Variants in KLC2 observed in about 807,000 individuals in gnomAD.
The protein encoded by KLC2 is kinesin light chain 2, also known as KLC 2.
KLC2 carries 35 observed loss-of-function variants against 75.1 expected under a neutral mutation model. That is an observed-to-expected ratio of 0.47 (90% CI 0.36 to 0.62). The LOEUF (loss-of-function observed/expected upper bound fraction) is 0.62, where lower values mean the gene tolerates loss of function less well. Ranked by LOEUF, KLC2 falls within the 20% of genes least tolerant of loss-of-function variation. The pLI is 0.00. For synonymous variants in KLC2, 314 were observed against 336.7 expected (o/e 0.93, Z 0.74); for missense variants, 611 against 833.2 (o/e 0.73, Z 3.28).
rs1856597159 is a variant in KLC2, at chr11:66,263,675, C to T, written c.768C>T (p.Tyr256=). ...CTGCTCCCAGGGATCAGAACAAGTA[C>T]AAGGAGGCTGCCCACCTGCTCAATG... The part of the protein sequence containing the change: ...LALVYRDQNK[Y]KEAAHLLNDA... Residue 256 remains tyrosine (Y), a synonymous_variant, in exon 6 of 16, where the codon TAC becomes TAT. Coordinates refer to ENST00000394067, the MANE Select transcript of KLC2 (RefSeq NM_001318734.2). 6.2e-7 allele frequency: 1 copy of T among 1,613,520 alleles called. No homozygotes were observed. Among genetic ancestry groups the T allele is most frequent in the Non-Finnish European group, 8.5e-7 (1 of 1,179,516 alleles).
chr11:66,257,980 G>C (rs978346715), intron 1 of KLC2, 109 bp downstream of exon 1: 2 of 152,442 alleles, frequency 1.3e-5, no homozygotes, highest in Non-Finnish European at 2.9e-5. Flanking sequence ...CCTGTGGGAG[G>C]ATCGGGCCAG....
upstream of KLC2, among the ~76,000 whole-genome samples, chr11:66,255,443 C>G (rs1440380821): frequency 1.3e-5 from 2 of 152,204 alleles, no homozygotes; most frequent in African/African-American, 4.8e-5. Context: ...CCCGCCTTGG[C>G]CTGACAAAGT....
chr11:66,262,032 G>A (rs1856468906), intron 3 of KLC2, 60 bp downstream of exon 3: 1 of 1,585,866 alleles, frequency 6.3e-7, no homozygotes, highest in Non-Finnish European at 8.7e-7. Context: ...GGGAGGGGCA[G>A]CATGGAGCAG....
At chr11:66,258,470 C>A in intron 1 of KLC2, 114 bp from the exon 2 acceptor site, 6 of 686,284 alleles carry the variant, frequency 8.7e-6, no homozygotes, top group Non-Finnish European at 1.2e-5. Flanking sequence ...GGCTGGGGGA[C>A]CTGGGCACAC....
upstream of KLC2, among the ~76,000 whole-genome samples, chr11:66,257,137 G>A (rs914723806): frequency 6.6e-6 from 1 of 152,190 alleles, no homozygotes; most frequent in African/African-American, 2.4e-5. Flanking sequence ...TCTATCAGAG[G>A]AAATTTTTGC....
the KLC2 span, among the ~76,000 whole-genome samples, chr11:66,247,358 C>T: frequency 1.0e-3 from 157 of 152,286 alleles, 1 homozygote; most frequent in African/African-American, 3.4e-3. Context: ...GCAGAGTGTC[C>T]CACCTACCTA....
At chr11:66,247,534 C>A in the KLC2 span, among the ~76,000 whole-genome samples, 72 of 152,200 alleles carry the variant, frequency 4.7e-4, no homozygotes, top group Non-Finnish European at 8.1e-4. Context: ...TCCTGTCCAT[C>A]CTGCTGCTGC....
Position 66,267,851 on chromosome 11 carries a change from T to G in KLC2, c.*895T>G, listed in dbSNP as rs1856955593. ...ATGTTGCTGTAGAAATAAAGACGGT[T>G]TAAATCTGAGCTGGGCTTGTTTTGA... On this transcript the variant is annotated 3_prime_UTR_variant, in exon 16 of 16. Transcript: ENST00000394067. The G allele has an allele frequency of 2.3e-6, 1 of 427,342 alleles. No individual in the cohort carries two copies. Among genetic ancestry groups the G allele is most frequent in the Non-Finnish European group, 4.1e-6 (1 of 243,492 alleles). 26.5% of individuals were successfully genotyped at this position (427,342 alleles called of 1,614,324 possible).
intron 5 of KLC2, among the ~76,000 whole-genome samples, 168 bp from the exon 6 acceptor site, chr11:66,263,492 A>G (rs1856583166): frequency 6.6e-6 from 1 of 152,202 alleles, no homozygotes; most frequent in South Asian, 2.1e-4. Context: ...AAAACTGCCT[A>G]CAGCCCTTGG....
intron 15 of KLC2, 50 bp downstream of exon 15, chr11:66,266,540 A>G (rs1279499232): frequency 8.5e-6 from 13 of 1,538,232 alleles, no homozygotes; most frequent in African/African-American, 1.4e-5. Flanking sequence ...CCGGGGCTGC[A>G]TGCGTGCTGC....
chr11:66,264,095 C>G lies in KLC2; in HGVS notation c.992C>G (p.Ala331Gly), dbSNP rs1856634068. 6.2e-7 allele frequency: 1 copy of G among 1,605,034 alleles called. No individual in the cohort carries two copies. Among genetic ancestry groups the G allele is most frequent in the African/African-American group, 1.3e-5 (1 of 74,744 alleles). ...GTGGCCAAGCAGCTCAGCAACCTGG[C>G]CCTGCTGTGCCAGAACCAGGGCAAA... ...PDVAKQLSNLALLCQNQGKAE... is the reference protein window; with the variant it reads ...PDVAKQLSNLGLLCQNQGKAE... Residue 331 changes from alanine (A) to glycine (G), a missense_variant, in exon 8 of 16, where the codon GCC (alanine) becomes GGC (glycine). Transcript: ENST00000394067.
chr11:66,255,958 GT>G (rs1856018285), upstream of KLC2, among the ~76,000 whole-genome samples: 1 of 151,926 alleles, frequency 6.6e-6, no homozygotes, highest in Non-Finnish European at 1.5e-5. Context: ...TAGAGACAGG[GT>G]TTCACTATAT....
chr11:66,266,616 G>C (rs1165501090), intron 15 of KLC2, 126 bp downstream of exon 15: 5 of 1,109,690 alleles, frequency 4.5e-6, no homozygotes, highest in Non-Finnish European at 6.8e-6. Flanking sequence ...GGCCTACTTT[G>C]GGCTGGACAA....
rs1474466031 is a variant in KLC2 at position 66,258,855 on chromosome 11, C to CA, written c.228+34dup. 3.4e-6 allele frequency: 5 copies of CA among 1,456,808 alleles called. No homozygotes were observed. In the Admixed American group the frequency reaches 8.7e-5, roughly 25 times the overall value. 90.2% of individuals were successfully genotyped at this position (1,456,808 alleles called of 1,614,324 possible). The stretch of plus-strand genomic sequence containing the variant: ...AGTCTGGGGCACTGAGGTGGGAGGT[C>CA]ACTGGAGGGATCGAGCCTTCAAGAG... On this transcript the variant is annotated intron_variant, in intron 2 of 15. Transcript: ENST00000394067.
the KLC2 span, among the ~76,000 whole-genome samples, chr11:66,249,978 G>A: frequency 8.5e-5 from 13 of 152,098 alleles, no homozygotes; most frequent in African/African-American, 2.2e-4. Flanking sequence ...GCCAACCACC[G>A]TCCACCAGGC....
intron 2 of KLC2, among the ~76,000 whole-genome samples, chr11:66,260,367 A>G (rs1856308786): frequency 6.6e-6 from 1 of 152,160 alleles, no homozygotes; most frequent in Non-Finnish European, 1.5e-5. Context: ...CAGAGGGGGA[A>G]CAATCTGCAC....
intron 15 of KLC2, 162 bp from the exon 16 acceptor site, chr11:66,266,711 G>T: frequency 1.2e-6 from 1 of 839,736 alleles, no homozygotes; most frequent in East Asian, 2.6e-5. Flanking sequence ...GGAGATGGAC[G>T]GGAGTGTCAG....
rs762086558 is a variant in KLC2 at position 66,263,028 on chromosome 11, G to T, written c.744G>T (p.Leu248=). 1 of 1,613,134 alleles carries T rather than the reference G, an allele frequency of 6.2e-7. No individual in the cohort carries two copies. Among genetic ancestry groups the T allele is most frequent in the Non-Finnish European group, 8.5e-7 (1 of 1,179,160 alleles). ...DVATMLNILA[L]VYRDQNKYKE... Reference sequence around the variant, plus strand: ...CCACCATGCTGAACATCCTGGCACTGGTCTATCGGTGAGGACTCTCTGGGG... The same window carrying T: ...CCACCATGCTGAACATCCTGGCACTTGTCTATCGGTGAGGACTCTCTGGGG... Residue 248 remains leucine, a synonymous_variant, in exon 5 of 16, where the codon CTG becomes CTT. Transcript: ENST00000394067.
chr11:66,252,875 C>A (rs559604333), upstream of KLC2, among the ~76,000 whole-genome samples: 12 of 152,068 alleles, frequency 7.9e-5, no homozygotes, highest in Non-Finnish European at 1.8e-4. Flanking sequence ...ATTCTTGGCT[C>A]AGTGGCAGAA....
Sources: gnomAD v4.1 joint callset for allele counts (sites outside exome capture counted in the v4.1 genomes callset) on GRCh38, gnomAD v4.1.1 for gene constraint, MANE v1.5 for transcripts, NCBI Gene and HGNC (gene_info 2026-07-23, HGNC 2026-07-21) for gene names.